PLXNA4: variants seen among roughly 807,000 people sequenced by gnomAD.
The protein encoded by PLXNA4 is plexin-A4.
Under a neutral mutation model 191.8 loss-of-function variants are expected in PLXNA4, and 44 were observed. The ratio of observed to expected loss-of-function variants is 0.23; its 90% CI spans 0.18 to 0.29. The LOEUF (loss-of-function observed/expected upper bound fraction) is 0.29, where lower values mean the gene tolerates loss of function less well. PLXNA4 is among the 10% of genes least tolerant of loss of function. The probability of loss-of-function intolerance (pLI) is 1.00; values close to 1 mark genes in which losing one functional copy is unlikely to be tolerated. For synonymous variants in PLXNA4, 1,082 were observed against 1,009.5 expected (o/e 1.07, Z -1.36); for missense variants, 1,800 against 2,488.8 (o/e 0.72, Z 5.89).
At chr7:132,174,740 C>A (rs755090624) in intron 21 of PLXNA4, 38 bp downstream of exon 21, 2 of 1,603,650 alleles carry the variant, frequency 1.2e-6, no homozygotes, top group Non-Finnish European at 1.7e-6. Context: ...CCAACACGCT[C>A]CCCTGCTCTA....
intron 1 of PLXNA4, among the ~76,000 whole-genome samples, chr7:132,536,084 C>G (rs1022290496): frequency 6.6e-6 from 1 of 152,222 alleles, no homozygotes; most frequent in African/African-American, 2.4e-5. Flanking sequence ...GGACGAGTTA[C>G]TCTCTGAACC....
At chr7:132,302,459 A>C (rs890676423) in intron 3 of PLXNA4, among the ~76,000 whole-genome samples, 2 of 152,116 alleles carry the variant, frequency 1.3e-5, no homozygotes, top group African/African-American at 4.8e-5. Flanking sequence ...AATGTAAAAC[A>C]ACCACAGTCT....
chr7:132,172,274 C>G (rs185202021), intron 21 of PLXNA4, among the ~76,000 whole-genome samples: 1 of 152,308 alleles, frequency 6.6e-6, no homozygotes, highest in African/African-American at 2.4e-5. Flanking sequence ...AGTTTAGGAG[C>G]CAATGATAGA....
intron 9 of PLXNA4, among the ~76,000 whole-genome samples, chr7:132,217,863 C>T (rs572058229): frequency 1.5e-5 from 2 of 131,502 alleles, no homozygotes; most frequent in East Asian, 4.6e-4. Context: ...GGGGGTGGTG[C>T]ATGGGTGGGG....
chr7:132,562,527 TC>T (rs1801250599), intron 1 of PLXNA4, among the ~76,000 whole-genome samples: 1 of 127,900 alleles, frequency 7.8e-6, no homozygotes. Context: ...CTCTTCCTCC[TC>T]CTTCTCCTCT....
chr7:132,394,840 C>T (rs1424046816), intron 3 of PLXNA4, among the ~76,000 whole-genome samples: 22 of 152,216 alleles, frequency 1.4e-4, no homozygotes, highest in Admixed American at 1.4e-3. Context: ...GAGCTCCTGC[C>T]CTTCCTCCCG....
rs566851579 is a variant in PLXNA4, at chr7:132,296,458, G to A, written c.1503+1633C>T. Among the ~76,000 whole-genome samples, 40 of 146,228 alleles carry A rather than the reference G, an allele frequency of 2.7e-4. No individual in the cohort carries two copies. The South Asian group carries it at 8.4e-3, about 31-fold the overall frequency. ...TAATTTCTCTTTTTTTTTTTTTAGA[G>A]ACAAAGTCTTGCTATGTTGCCCAGG... On this transcript the variant is annotated intron_variant, in intron 4 of 31. Coordinates refer to ENST00000321063, the MANE Select transcript of PLXNA4 (RefSeq NM_020911.2).
In PLXNA4 at chr7:132,175,773, G is replaced by T. The variant is rs150530592; in HGVS notation, c.3875-853C>A. 8.1e-3 allele frequency among the ~76,000 whole-genome samples: 1,239 copies of T among 152,306 alleles called. 19 individuals are homozygous for T. Among genetic ancestry groups the T allele is most frequent in the African/African-American group, 0.028 (1,179 of 41,554 alleles). On this transcript the variant is annotated intron_variant, in intron 20 of 31. Coordinates refer to ENST00000321063, the MANE Select transcript of PLXNA4 (RefSeq NM_020911.2). The stretch of plus-strand genomic sequence containing the variant: ...GGGGTGAGGCACCCAGCCCTTCCCT[G>T]CTCCGCCTTTCTCTTTGGTGTGTGC...
intron 5 of PLXNA4, among the ~76,000 whole-genome samples, chr7:132,232,349 A>G (rs1428819608): frequency 6.6e-6 from 1 of 152,176 alleles, no homozygotes; most frequent in Non-Finnish European, 1.5e-5. Context: ...GGATTCAGAC[A>G]GTGCATATAC....
intron 3 of PLXNA4, among the ~76,000 whole-genome samples, chr7:132,424,416 G>A (rs868262853): frequency 3.3e-5 from 5 of 152,294 alleles, no homozygotes; most frequent in Middle Eastern, 3.4e-3. Flanking sequence ...ACAGTAGAGG[G>A]GGCACTGCTC....
intron 1 of PLXNA4, among the ~76,000 whole-genome samples, chr7:132,517,167 T>C (rs1167932990): frequency 6.6e-6 from 1 of 152,174 alleles, no homozygotes; most frequent in East Asian, 1.9e-4. Context: ...TTTTCACAAA[T>C]AACATGCGCT....
intron 3 of PLXNA4, among the ~76,000 whole-genome samples, chr7:132,394,957 A>G (rs1793692310): frequency 6.6e-6 from 1 of 152,228 alleles, no homozygotes. Context: ...CTCAGCCTTC[A>G]GGGATCCTGG....
At chr7:132,454,381 C>G (rs1303972725) in intron 3 of PLXNA4, among the ~76,000 whole-genome samples, 1 of 152,106 alleles carries the variant, frequency 6.6e-6, no homozygotes, top group Admixed American at 6.5e-5. Flanking sequence ...AATTTGCAAA[C>G]CACAAAGCCA....
intron 1 of PLXNA4, among the ~76,000 whole-genome samples, chr7:132,563,082 C>T (rs1585348388): frequency 2.2e-5 from 2 of 88,946 alleles, no homozygotes; most frequent in African/African-American, 4.2e-5. Context: ...CCTCCTTCTC[C>T]TCCTCCTCTT....
intron 3 of PLXNA4, among the ~76,000 whole-genome samples, chr7:132,414,995 A>T (rs1794610294): frequency 2.0e-5 from 3 of 152,114 alleles, no homozygotes; most frequent in Admixed American, 6.5e-5. Flanking sequence ...ACAGGCCCCT[A>T]CCCTTTCCCC....
Position 132,180,654 on chromosome 7 carries a change from T to C in PLXNA4, c.3571A>G (p.Thr1191Ala). The change falls in exon 19 of 32, where the codon ACC becomes GCC. Residue 1191 changes from threonine to alanine, a missense_variant. Thr to Ala is a moderately conservative substitution (Grantham distance 58, BLOSUM62 0). Transcript: ENST00000321063. Reference protein sequence around the residue: ...YTVLVGEKPCTVTVSDVQLLC... With the variant: ...YTVLVGEKPCAVTVSDVQLLC... ...AGCTGGACATCTGACACGGTCACGG[T>C]GCACGGCTTCTCCCCAACCAGCACA... 6.2e-7 allele frequency: 1 copy of C among 1,613,952 alleles called. No homozygotes were observed. Among genetic ancestry groups the C allele is most frequent in the Non-Finnish European group, 8.5e-7 (1 of 1,179,796 alleles).
At chr7:132,316,849 CAG>C (rs1467665232) in intron 3 of PLXNA4, among the ~76,000 whole-genome samples, 1 of 152,204 alleles carries the variant, frequency 6.6e-6, no homozygotes, top group Admixed American at 6.5e-5. Flanking sequence ...TTCATCAATG[CAG>C]AGTGAGATGA....
At chr7:132,267,197 G>C (rs1799890264) in intron 4 of PLXNA4, among the ~76,000 whole-genome samples, 1 of 152,182 alleles carries the variant, frequency 6.6e-6, no homozygotes, top group African/African-American at 2.4e-5. Flanking sequence ...GGAAATTTCA[G>C]TCATCAGTTC....
intron 13 of PLXNA4, among the ~76,000 whole-genome samples, chr7:132,195,442 C>G (rs377003440): frequency 1.1e-3 from 166 of 152,294 alleles, no homozygotes; most frequent in African/African-American, 3.8e-3. Flanking sequence ...CACACACATC[C>G]TTAGGCATTG....
Sources: allele counts gnomAD v4.1 joint callset (sites outside exome capture counted in the v4.1 genomes callset), GRCh38; gene constraint gnomAD v4.1.1; transcripts MANE v1.5; gene names NCBI Gene and HGNC (gene_info 2026-07-23, HGNC 2026-07-21).